COL18A1: variants seen among roughly 807,000 people sequenced by gnomAD.
COL18A1 encodes collagen alpha-1(XVIII) chain.
COL18A1 carries 133 observed loss-of-function variants against 168.0 expected under a neutral mutation model. The ratio of observed to expected loss-of-function variants is 0.79; its 90% CI spans 0.69 to 0.91. The LOEUF (loss-of-function observed/expected upper bound fraction) is 0.91, where lower values mean the gene tolerates loss of function less well. Ranked by LOEUF, COL18A1 falls within the 40% of genes least tolerant of loss-of-function variation. The pLI is 0.00. For missense variants in COL18A1, 2,126 were observed against 1,925.4 expected (o/e 1.10, Z -1.95); for synonymous variants, 949 against 809.0 (o/e 1.17, Z -2.94).
intron 2 of COL18A1, among the ~76,000 whole-genome samples, chr21:45,444,409 G>T (rs1398225038): frequency 6.6e-6 from 1 of 152,188 alleles, no homozygotes; most frequent in East Asian, 1.9e-4. Flanking sequence ...GCTCGTGTGG[G>T]TGATGTGCGG....
chr21:45,458,975 G>T (rs1356337215), intron 2 of COL18A1, among the ~76,000 whole-genome samples: 1 of 152,218 alleles, frequency 6.6e-6, no homozygotes, highest in Admixed American at 6.5e-5. Flanking sequence ...AGCTGGCCCG[G>T]TCGGTGGCAC....
intron 19 of COL18A1, 35 bp downstream of exon 19, chr21:45,489,556 G>C: frequency 6.6e-7 from 1 of 1,518,464 alleles, no homozygotes; most frequent in Non-Finnish European, 9.0e-7. Context: ...GACGTGGCCA[G>C]GCAGAGGCAG....
intron 41 of COL18A1, 90 bp downstream of exon 41, chr21:45,511,316 T>C (rs934558365): frequency 5.5e-6 from 4 of 733,836 alleles, no homozygotes; most frequent in Middle Eastern, 3.3e-4. Context: ...CCCCCCGAGT[T>C]TTTGGACAAA....
intron 2 of COL18A1, among the ~76,000 whole-genome samples, chr21:45,406,225 G>T (rs1160793859): frequency 6.6e-6 from 1 of 152,176 alleles, no homozygotes; most frequent in African/African-American, 2.4e-5. Context: ...CGGGGACGCG[G>T]ACCCCAGGGG....
intron 32 of COL18A1, among the ~76,000 whole-genome samples, chr21:45,502,286 C>T (rs1457802672): frequency 2.0e-5 from 3 of 152,210 alleles, no homozygotes; most frequent in South Asian, 2.1e-4. Flanking sequence ...GTCCCCACCC[C>T]GGTCACGGTT....
Position 45,509,339 on chromosome 21 carries a change from A to C in COL18A1, c.3250-17A>C. 2.6e-6 allele frequency: 4 copies of C among 1,543,090 alleles called. No individual in the cohort carries two copies. The highest frequency in any genetic ancestry group is 3.5e-6 in the Non-Finnish European group (4 of 1,146,570). ...GAGGGTCCCCCCGCCGACAGGCCCC[A>C]CGTCTCCCACCTGCAGGACAATGAA... On this transcript the variant is annotated splice_polypyrimidine_tract_variant and intron_variant, in intron 38 of 41. Transcript: ENST00000651438.
Position 45,505,228 on chromosome 21 carries a change from G to A in COL18A1, c.2963G>A (p.Gly988Asp), listed in dbSNP as rs1317433862. Residue 988 changes from glycine to aspartate, a missense_variant, in exon 35 of 42, where the codon GGC (glycine) becomes GAC (aspartate). Transcript: ENST00000651438. ...TACGAGGGGCGCCAGGGCCCTCCCGGCCCCCCAGGCCCCCCAGGGCCCCCT... is the reference window on the plus strand; with the variant it reads ...TACGAGGGGCGCCAGGGCCCTCCCGACCCCCCAGGCCCCCCAGGGCCCCCT... ...IGYEGRQGPP[G>D]PPGPPGPPSF... The A allele has an allele frequency of 6.3e-7, 1 of 1,593,578 alleles. No homozygotes were observed. The highest frequency in any genetic ancestry group is 8.6e-7 in the Non-Finnish European group (1 of 1,167,404).
In COL18A1 at chr21:45,476,442, A is replaced by C. The variant is rs987936151; in HGVS notation, c.890A>C (p.Glu297Ala). 3 of 1,613,748 alleles carry C rather than the reference A, an allele frequency of 1.9e-6. No individual in the cohort carries two copies. The African/African-American group carries it at 4.0e-5, about 22-fold the overall frequency. Reference sequence around the variant, plus strand: ...AGCAGCACGGAAGATTCCAGAAGTGAAGAAGTCGAGGAGCAGACCACGGTG... The same window carrying C: ...AGCAGCACGGAAGATTCCAGAAGTGCAGAAGTCGAGGAGCAGACCACGGTG... ...GGSSTEDSRS[E>A]EVEEQTTVAS... The change falls in exon 6 of 42, where the codon GAA becomes GCA. Residue 297 changes from glutamate (E) to alanine (A), a missense_variant. Coordinates refer to ENST00000651438, the MANE Select transcript of COL18A1 (RefSeq NM_001379500.1).
chr21:45,405,941 C>CGCCTCTGTCCCCGCCGCCCTCAG, intron 2 of COL18A1, among the ~76,000 whole-genome samples: 1 of 152,112 alleles, frequency 6.6e-6, no homozygotes, highest in South Asian at 2.1e-4. Context: ...GGGCCTTGTG[C>CGCCTCTGTCCCCGCCGCCCTCAG]GCCTCTGTCC....
At chr21:45,419,733 A>G (rs1013160172) in intron 2 of COL18A1, 1 of 152,156 alleles carries the variant, frequency 6.6e-6, no homozygotes, top group African/African-American at 2.4e-5. Context: ...AAACAGTTTT[A>G]TTTTTTAAAA....
At chr21:45,435,404 C>A (rs2034072733) in intron 2 of COL18A1, among the ~76,000 whole-genome samples, 1 of 152,074 alleles carries the variant, frequency 6.6e-6, no homozygotes, top group South Asian at 2.1e-4. Context: ...TTGGTTAGGT[C>A]TGGGTTCAGA....
In COL18A1 at chr21:45,457,883, T is replaced by G. The variant is rs1486835698; in HGVS notation, c.107-10359T>G. Among the ~76,000 whole-genome samples the G allele has an allele frequency of 6.6e-6, 1 of 151,974 alleles. No homozygotes were observed. Among genetic ancestry groups the G allele is most frequent in the Non-Finnish European group, 1.5e-5 (1 of 67,964 alleles). On this transcript the variant is annotated intron_variant, in intron 2 of 41. Coordinates refer to ENST00000651438, the MANE Select transcript of COL18A1 (RefSeq NM_001379500.1). This position sits in a 1 kb window ranked among gnomAD's most constrained non-coding sequence, Gnocchi z 4.6. ...AGGTGGGGGTGCCTGCAGTGGAAAT[T>G]CTGGTGGACGCCCACCCACCAGGCT...
At chr21:45,475,697 C>T (rs185130934) in intron 5 of COL18A1, among the ~76,000 whole-genome samples, 162 bp downstream of exon 5, 14 of 152,312 alleles carry the variant, frequency 9.2e-5, no homozygotes, top group African/African-American at 2.9e-4. Flanking sequence ...GCTGGGCAGA[C>T]GCTCGGAGCC....
At chr21:45,480,024 G>A (rs1268135579) in intron 10 of COL18A1, 46 bp from the exon 11 acceptor site, 2 of 1,612,488 alleles carry the variant, frequency 1.2e-6, no homozygotes, top group Admixed American at 1.7e-5. Flanking sequence ...CAAGGTGGGG[G>A]CTGTGTGCGT....
chr21:45,473,427 A>G lies in COL18A1; in HGVS notation c.652-468A>G, dbSNP rs1425703161. 6.6e-6 allele frequency among the ~76,000 whole-genome samples: 1 copy of G among 152,198 alleles called. No homozygotes were observed. Among genetic ancestry groups the G allele is most frequent in the Non-Finnish European group, 1.5e-5 (1 of 68,030 alleles). On this transcript the variant is annotated intron_variant, in intron 3 of 41. Coordinates refer to ENST00000651438, the MANE Select transcript of COL18A1 (RefSeq NM_001379500.1). This position sits in a 1 kb window ranked among gnomAD's most constrained non-coding sequence, Gnocchi z 4.0. ...GGGTTTTGTTTTTGATGAAAAGGTG[A>G]AGTTCAAAGAAAGCAAAGCCATGGT...
At chr21:45,474,251 G>A (rs972705427) in intron 4 of COL18A1, among the ~76,000 whole-genome samples, 6 of 50,858 alleles carry the variant, frequency 1.2e-4, no homozygotes, top group Admixed American at 1.7e-4. Context: ...GCTCAGCAAA[G>A]TGTGTGTGTG....
intron 38 of COL18A1, 58 bp downstream of exon 38, chr21:45,507,651 G>A: frequency 6.7e-7 from 1 of 1,502,694 alleles, no homozygotes; most frequent in South Asian, 1.1e-5. Flanking sequence ...GGGGGTATGT[G>A]CTGTCCCCTG....
chr21:45,428,650 G>A (rs1300578603), intron 2 of COL18A1, among the ~76,000 whole-genome samples: 1 of 152,130 alleles, frequency 6.6e-6, no homozygotes, highest in Non-Finnish European at 1.5e-5. Context: ...AAGAACCTGC[G>A]AGTCCACTTT....
chr21:45,421,438 T>C lies in COL18A1; in HGVS notation c.106+15965T>C, dbSNP rs757889336. The C allele has an allele frequency of 5.6e-6, 3 of 534,544 alleles. No individual in the cohort carries two copies. The East Asian group carries it at 1.6e-4, about 29-fold the overall frequency. 33.1% of individuals were successfully genotyped at this position (534,544 alleles called of 1,614,324 possible). A position where few individuals can be genotyped will look rare whatever the true frequency, so the allele number is the denominator to read the frequency against. On this transcript the variant is annotated intron_variant, in intron 2 of 41. Coordinates refer to ENST00000651438, the MANE Select transcript of COL18A1 (RefSeq NM_001379500.1). ...GCCCGTGTGGAAGTGTTGGGGGCTGTGTTGCAGTGACAGCCCTGGCGTCTC... is the reference window on the plus strand; with the variant it reads ...GCCCGTGTGGAAGTGTTGGGGGCTGCGTTGCAGTGACAGCCCTGGCGTCTC...
Sources: gnomAD v4.1 joint callset for allele counts (sites outside exome capture counted in the v4.1 genomes callset) on GRCh38, gnomAD v4.1.1 for gene constraint, Gnocchi (gnomAD v3.1) non-coding constraint, MANE v1.5 for transcripts, NCBI Gene and HGNC (gene_info 2026-07-23, HGNC 2026-07-21) for gene names.